ROBO2: variants seen among roughly 807,000 people sequenced by gnomAD.
ROBO2 encodes roundabout homolog 2.
In ROBO2, 53 loss-of-function variants were observed where a neutral mutation model predicts 160.8. That is an observed-to-expected ratio of 0.33 (90% confidence interval 0.26 to 0.41). ROBO2 has a LOEUF of 0.41. ROBO2 is among the 10% of genes least tolerant of loss of function. The pLI is 1.00. For missense variants in ROBO2, 1,577 were observed against 1,722.4 expected, an observed-to-expected ratio of 0.92 and a Z score of 1.49; for synonymous variants, 664 against 611.7, an observed-to-expected ratio of 1.09 and a Z score of -1.26.
At chr3:76,031,758 G>T (rs962537663) in intron 2 of ROBO2, among the ~76,000 whole-genome samples, 1 of 151,950 alleles carries the variant, frequency 6.6e-6, no homozygotes, top group Non-Finnish European at 1.5e-5. Context: ...TGCTGTATTT[G>T]GTTTGCCAGT....
chr3:77,483,520 T>G (rs1214724132), intron 4 of ROBO2, among the ~76,000 whole-genome samples: 1 of 151,756 alleles, frequency 6.6e-6, no homozygotes, highest in Admixed American at 6.6e-5. Context: ...TAAAACTGAT[T>G]GTACTTCATA....
At position 76,919,566 on chromosome 3, in the gene ROBO2, AT is replaced by A. The variant is rs145946072; in HGVS notation, c.110-178447del. 8.3e-3 allele frequency among the ~76,000 whole-genome samples: 1,257 copies of A among 152,304 alleles called. 14 individuals carry two copies. The highest frequency in any genetic ancestry group is 0.029 in the African/African-American group (1,192 of 41,572). ...TGAGACATTATACAAGGAAACAATC[AT>A]GACTTCATGATCGGTATATAATTCA... On this transcript the variant is annotated intron_variant, in intron 2 of 26. Transcript: ENST00000487694.
intron 2 of ROBO2, among the ~76,000 whole-genome samples, chr3:77,406,374 T>A (rs2076256860): frequency 6.6e-6 from 1 of 152,220 alleles, no homozygotes. Context: ...AGAATATTTG[T>A]GTTGTGATGC....
intron 2 of ROBO2, among the ~76,000 whole-genome samples, chr3:77,359,913 T>A (rs2069682307): frequency 6.6e-6 from 1 of 152,176 alleles, no homozygotes; most frequent in Non-Finnish European, 1.5e-5. Flanking sequence ...GTTGAACTCC[T>A]GGGCTCAAGT....
chr3:76,329,363 G>A (rs2073304205), intron 2 of ROBO2, among the ~76,000 whole-genome samples: 1 of 152,162 alleles, frequency 6.6e-6, no homozygotes, highest in Non-Finnish European at 1.5e-5. Flanking sequence ...GATTGCAGGT[G>A]TGGACCACCA....
chr3:76,727,742 G>A (rs1467561794), intron 2 of ROBO2, among the ~76,000 whole-genome samples: 1 of 152,102 alleles, frequency 6.6e-6, no homozygotes, highest in Non-Finnish European at 1.5e-5. Context: ...GCTAGGAAAT[G>A]TCAGGAAGGG....
rs1481128685 is a variant in ROBO2 at position 76,926,388 on chromosome 3, G to A, written c.110-171626G>A. 2.0e-5 allele frequency among the ~76,000 whole-genome samples: 3 copies of A among 152,210 alleles called. No homozygotes were observed. The East Asian group carries it at 5.8e-4, about 29-fold the overall frequency. On this transcript the variant is annotated intron_variant, in intron 2 of 26. Transcript: ENST00000487694. ...CTCTTTCAGGGTCTTTCACTGGAAG[G>A]AAGGTGCCATACTTGAGTTATCAGT...
chr3:77,637,527 G>T (rs1190137955), intron 24 of ROBO2, among the ~76,000 whole-genome samples: 1 of 152,130 alleles, frequency 6.6e-6, no homozygotes, highest in Non-Finnish European at 1.5e-5. Context: ...GAGTAAAAAT[G>T]GTCACCACTG....
intron 1 of ROBO2, among the ~76,000 whole-genome samples, chr3:75,929,214 T>TGTGTG: frequency 1.5e-5 from 2 of 130,892 alleles, no homozygotes; most frequent in African/African-American, 5.6e-5. Flanking sequence ...TGTGTGTGTG[T>TGTGTG]TAGACTTAAA....
chr3:76,705,408 G>C lies in ROBO2; in HGVS notation c.110-392606G>C, dbSNP rs573017359. Among the ~76,000 whole-genome samples the C allele has an allele frequency of 2.0e-5, 3 of 152,182 alleles. No homozygotes were observed. In the South Asian group the frequency reaches 6.2e-4, roughly 32 times the overall value. On this transcript the variant is annotated intron_variant, in intron 2 of 26. Transcript: ENST00000487694. ...TACACACAGTGATAAATACGTAAAG[G>C]GGTATGTGTGTCTTTAAAATGACTT...
intron 2 of ROBO2, among the ~76,000 whole-genome samples, chr3:76,471,718 G>A (rs907227342): frequency 2.6e-5 from 4 of 152,036 alleles, no homozygotes; most frequent in Admixed American, 6.6e-5. Context: ...AGAACTGCCT[G>A]AGACTGAGTA....
intron 2 of ROBO2, among the ~76,000 whole-genome samples, chr3:77,413,430 T>C (rs920169386): frequency 6.6e-6 from 1 of 152,142 alleles, no homozygotes; most frequent in Non-Finnish European, 1.5e-5. Context: ...GGCCAGGTCA[T>C]GGAGTCTCTT....
intron 2 of ROBO2, among the ~76,000 whole-genome samples, chr3:77,424,831 G>A (rs2078028714): frequency 6.6e-6 from 1 of 152,110 alleles, no homozygotes; most frequent in Non-Finnish European, 1.5e-5. Flanking sequence ...CCTTGTCAAT[G>A]TAGTTTAGGG....
chr3:75,992,388 C>G (rs369168943), intron 2 of ROBO2, among the ~76,000 whole-genome samples: 1 of 152,098 alleles, frequency 6.6e-6, no homozygotes, highest in South Asian at 2.1e-4. Context: ...CCATTGCTCC[C>G]GAGGGTGGAG....
intron 2 of ROBO2, among the ~76,000 whole-genome samples, chr3:75,959,154 C>G (rs1043817371): frequency 1.3e-5 from 2 of 151,608 alleles, no homozygotes; most frequent in Non-Finnish European, 3.0e-5. Context: ...TCTTTTATTT[C>G]TTTTTGAAAC....
intron 2 of ROBO2, among the ~76,000 whole-genome samples, chr3:76,293,333 A>G (rs979605719): frequency 6.6e-6 from 1 of 152,170 alleles, no homozygotes; most frequent in African/African-American, 2.4e-5. Flanking sequence ...TAATCTCTTA[A>G]CTGATGGAGA....
chr3:76,335,687 C>A (rs941544689), intron 2 of ROBO2, among the ~76,000 whole-genome samples: 2 of 151,998 alleles, frequency 1.3e-5, no homozygotes, highest in Admixed American at 1.3e-4. Flanking sequence ...ACGCCATTCT[C>A]CTGCCTCAGC....
intron 2 of ROBO2, among the ~76,000 whole-genome samples, chr3:75,957,248 A>AACACACAC (rs74280410): frequency 6.7e-6 from 1 of 149,372 alleles, no homozygotes; most frequent in Non-Finnish European, 1.5e-5. Flanking sequence ...ACACACACAA[A>AACACACAC]ACACACACAC....
At chr3:77,620,516 G>A (rs2094879306) in intron 22 of ROBO2, among the ~76,000 whole-genome samples, 1 of 152,162 alleles carries the variant, frequency 6.6e-6, no homozygotes. Context: ...AAGCTTTTCT[G>A]TACTAATACT....
Sources: allele counts gnomAD v4.1 joint callset (sites outside exome capture counted in the v4.1 genomes callset), GRCh38; gene constraint gnomAD v4.1.1; transcripts MANE v1.5; gene names NCBI Gene and HGNC (gene_info 2026-07-23, HGNC 2026-07-21).